Variants in FGGY observed in about 807,000 individuals in gnomAD.
FGGY encodes the protein FGGY carbohydrate kinase domain-containing protein.
In FGGY, 72 loss-of-function variants were observed where a neutral mutation model predicts 71.3. The observed-to-expected ratio is 1.01, with a 90% confidence interval of 0.84 to 1.23. The LOEUF (loss-of-function observed/expected upper bound fraction) is 1.23. FGGY is among the 50% of genes most tolerant of loss of function. The pLI is 0.00. For synonymous variants in FGGY, 251 were observed against 250.3 expected (o/e 1.00, Z -0.02); for missense variants, 668 against 682.3 (o/e 0.98, Z 0.23).
chr1:59,532,367 G>A (rs974874601), intron 7 of FGGY, among the ~76,000 whole-genome samples: 1 of 152,308 alleles, frequency 6.6e-6, no homozygotes, highest in South Asian at 2.1e-4. Context: ...GATATATGGA[G>A]CATGGTAAAG....
intron 5 of FGGY, among the ~76,000 whole-genome samples, chr1:59,445,612 A>G (rs1557948433): frequency 6.6e-6 from 1 of 152,258 alleles, no homozygotes; most frequent in Non-Finnish European, 1.5e-5. Flanking sequence ...CCTATGGCAC[A>G]CATCTCCCGA....
At chr1:59,362,664 G>A (rs2153232350) in intron 4 of FGGY, among the ~76,000 whole-genome samples, 1 of 152,186 alleles carries the variant, frequency 6.6e-6, no homozygotes, top group Non-Finnish European at 1.5e-5. Flanking sequence ...ATCTGACATT[G>A]CCTCCTAAGT....
At chr1:59,375,237 C>T (rs184462226) in intron 4 of FGGY, among the ~76,000 whole-genome samples, 322 of 131,142 alleles carry the variant, frequency 2.5e-3, no homozygotes, top group African/African-American at 9.2e-3. Context: ...TCCAGCCTGG[C>T]GATAGAGTGA....
At chr1:59,381,319 A>T (rs1349528408) in intron 5 of FGGY, among the ~76,000 whole-genome samples, 1 of 152,118 alleles carries the variant, frequency 6.6e-6, no homozygotes, top group African/African-American at 2.4e-5. Context: ...TTTTTTTCCA[A>T]TTCTGTGAAG....
chr1:59,600,251 T>C (rs1360149279), intron 8 of FGGY, among the ~76,000 whole-genome samples: 3 of 152,262 alleles, frequency 2.0e-5, no homozygotes, highest in South Asian at 4.1e-4. Context: ...GTGGGGCAGA[T>C]GAGAGCGATG....
chr1:59,696,901 G>A (rs528014480), intron 14 of FGGY, among the ~76,000 whole-genome samples: 3 of 152,196 alleles, frequency 2.0e-5, no homozygotes, highest in Non-Finnish European at 2.9e-5. Flanking sequence ...ACCCAGAAAC[G>A]GGAAGTGCTT....
chr1:59,492,882 T>A (rs72666212), intron 6 of FGGY, among the ~76,000 whole-genome samples: 2 of 152,084 alleles, frequency 1.3e-5, no homozygotes, highest in Non-Finnish European at 2.9e-5. Context: ...ATAAGGCAAA[T>A]TGAGTTACTT....
intron 14 of FGGY, among the ~76,000 whole-genome samples, chr1:59,731,900 C>T (rs1028346264): frequency 1.3e-5 from 2 of 152,088 alleles, no homozygotes; most frequent in Non-Finnish European, 2.9e-5. Flanking sequence ...AGGTTTGAGG[C>T]CCCATCTTCC....
chr1:59,663,746 A>G (rs748478811), intron 12 of FGGY, among the ~76,000 whole-genome samples: 11 of 152,106 alleles, frequency 7.2e-5, no homozygotes, highest in Non-Finnish European at 1.6e-4. Context: ...TTGCAAATGT[A>G]TCTGGATGTG....
intron 6 of FGGY, among the ~76,000 whole-genome samples, chr1:59,507,939 C>T (rs142437702): frequency 7.2e-5 from 11 of 152,256 alleles, no homozygotes; most frequent in African/African-American, 2.4e-4. Flanking sequence ...CCTCTTGTCC[C>T]GTCTGTTCCA....
At chr1:59,458,663 A>G (rs970768749) in intron 6 of FGGY, among the ~76,000 whole-genome samples, 4 of 152,112 alleles carry the variant, frequency 2.6e-5, no homozygotes, top group African/African-American at 9.7e-5. Context: ...ACTTTATTAG[A>G]TTTTTTCCCT....
chr1:59,588,379 T>A (rs1426816879), intron 8 of FGGY, among the ~76,000 whole-genome samples: 2 of 151,932 alleles, frequency 1.3e-5, no homozygotes, highest in Non-Finnish European at 1.5e-5. Context: ...TGCAGGATAT[T>A]ATCCAGGAGA....
intron 14 of FGGY, among the ~76,000 whole-genome samples, chr1:59,723,392 T>C (rs2097913459): frequency 6.6e-6 from 1 of 152,190 alleles, no homozygotes; most frequent in African/African-American, 2.4e-5. Flanking sequence ...CCCCCTCAAA[T>C]AATGAGAAAT....
intron 8 of FGGY, among the ~76,000 whole-genome samples, chr1:59,567,836 C>A (rs1184234410): frequency 1.3e-5 from 2 of 150,366 alleles, no homozygotes; most frequent in Admixed American, 1.3e-4. Flanking sequence ...TGATAAAAAT[C>A]CTTTGTCGAT....
At chr1:59,701,539 C>G (rs1340973147) in intron 14 of FGGY, among the ~76,000 whole-genome samples, 1 of 152,176 alleles carries the variant, frequency 6.6e-6, no homozygotes, top group African/African-American at 2.4e-5. Flanking sequence ...AGTCCCTGCT[C>G]TCAAGTTTCC....
chr1:59,331,345 T>C (rs1407933392), intron 2 of FGGY, among the ~76,000 whole-genome samples: 3 of 152,152 alleles, frequency 2.0e-5, no homozygotes, highest in African/African-American at 4.8e-5. Flanking sequence ...TTTATTTACT[T>C]CACTGGTCAC....
intron 4 of FGGY, among the ~76,000 whole-genome samples, chr1:59,374,146 C>T (rs986226072): frequency 2.0e-5 from 3 of 152,090 alleles, no homozygotes; most frequent in Non-Finnish European, 4.4e-5. Context: ...ATTTTCACAA[C>T]CTACTCATCT....
At chr1:59,500,632 C>T (rs190640836) in intron 6 of FGGY, among the ~76,000 whole-genome samples, 2 of 121,464 alleles carry the variant, frequency 1.6e-5, no homozygotes, top group Admixed American at 2.0e-4. Flanking sequence ...TCTAAGATCA[C>T]ACTCTTCATT....
At chr1:59,459,828 T>C (rs1050312419) in intron 6 of FGGY, among the ~76,000 whole-genome samples, 1 of 152,218 alleles carries the variant, frequency 6.6e-6, no homozygotes, top group African/African-American at 2.4e-5. Flanking sequence ...TGTTCTACTA[T>C]TGGGGTAGCC....
Sources: allele counts gnomAD v4.1 joint callset (sites outside exome capture counted in the v4.1 genomes callset), GRCh38; gene constraint gnomAD v4.1.1; transcripts MANE v1.5; gene names NCBI Gene and HGNC (gene_info 2026-07-23, HGNC 2026-07-21).